PARD3B: variants seen among roughly 807,000 people sequenced by gnomAD.
The protein encoded by PARD3B is par-3 family cell polarity regulator beta.
PARD3B carries 103 observed loss-of-function variants against 130.2 expected under a neutral mutation model. That is an observed-to-expected ratio of 0.79 (90% CI 0.67 to 0.93). PARD3B has a LOEUF of 0.93. Ranked by LOEUF, PARD3B falls within the 40% of genes least tolerant of loss-of-function variation. The probability of loss-of-function intolerance (pLI) is 0.00; values close to 1 mark genes in which losing one functional copy is unlikely to be tolerated. For missense variants in PARD3B, 1,609 were observed against 1,499.2 expected (o/e 1.07, Z -1.21); for synonymous variants, 583 against 553.2 (o/e 1.05, Z -0.76).
chr2:204,986,101 CAAAAAAAA>C (rs371839271), intron 3 of PARD3B, among the ~76,000 whole-genome samples: 3 of 51,240 alleles, frequency 5.9e-5, no homozygotes. Flanking sequence ...ACTCTGTCTC[CAAAAAAAA>C]AAAAAAAAAA....
chr2:204,956,213 AGCATTAT>A (rs1357063590), intron 2 of PARD3B, among the ~76,000 whole-genome samples: 1 of 152,224 alleles, frequency 6.6e-6, no homozygotes, highest in Non-Finnish European at 1.5e-5. Context: ...TGGTGGTGGC[AGCATTAT>A]GCTTTGGCTG....
At chr2:204,670,085 G>C (rs114775544) in intron 1 of PARD3B, among the ~76,000 whole-genome samples, 2,030 of 152,130 alleles carry the variant, frequency 0.013, 53 homozygotes, top group African/African-American at 0.046. Context: ...AAGACTAAAA[G>C]ATCTAAAAGA....
intron 3 of PARD3B, among the ~76,000 whole-genome samples, chr2:204,985,794 A>T (rs1693082899): frequency 6.6e-6 from 1 of 152,070 alleles, no homozygotes; most frequent in South Asian, 2.1e-4. Flanking sequence ...GGGGAGAAAC[A>T]TCTGGATTGT....
At chr2:205,215,540 G>T (rs1457774577) in intron 15 of PARD3B, among the ~76,000 whole-genome samples, 1 of 151,794 alleles carries the variant, frequency 6.6e-6, no homozygotes, top group Admixed American at 6.6e-5. Context: ...TTCACAAAGG[G>T]CAAAAGAAAT....
chr2:205,536,937 C>T (rs1316063220), intron 21 of PARD3B, among the ~76,000 whole-genome samples: 1 of 152,174 alleles, frequency 6.6e-6, no homozygotes, highest in Non-Finnish European at 1.5e-5. Flanking sequence ...TGGCGTTGTA[C>T]ATTTTCTAAC....
At position 204,824,590 on chromosome 2, in the gene PARD3B, A is replaced by G. The variant is rs551651018; in HGVS notation, c.222+138308A>G. Among the ~76,000 whole-genome samples, 389 of 152,240 alleles carry G rather than the reference A, an allele frequency of 2.6e-3. 1 individual carries two copies. The highest frequency in any genetic ancestry group is 4.2e-3 in the Non-Finnish European group (287 of 68,002). On this transcript the variant is annotated intron_variant, in intron 2 of 22. Coordinates refer to ENST00000406610, the MANE Select transcript of PARD3B (RefSeq NM_001302769.2). ...AGAGCTGCCAGAACTTCTCCATCAC[A>G]TAGTCTTCTTCCCACTTCATTTTAT...
At chr2:205,167,438 G>C (rs1192449826) in intron 11 of PARD3B, among the ~76,000 whole-genome samples, 1 of 151,992 alleles carries the variant, frequency 6.6e-6, no homozygotes, top group East Asian at 1.9e-4. Context: ...ACCCATAAAG[G>C]CTAAAAATCA....
chr2:205,227,370 T>C (rs1407680515), intron 15 of PARD3B, among the ~76,000 whole-genome samples: 1 of 152,194 alleles, frequency 6.6e-6, no homozygotes, highest in African/African-American at 2.4e-5. Flanking sequence ...CAGTGTTGGA[T>C]GCATATACAT....
rs994123433 is a variant in PARD3B, at chr2:205,125,183, T to C, written c.1306-426T>C. Among the ~76,000 whole-genome samples, 27 of 152,250 alleles carry C rather than the reference T, an allele frequency of 1.8e-4. No individual in the cohort carries two copies. Among genetic ancestry groups the C allele is most frequent in the Non-Finnish European group, 1.5e-5 (1 of 68,044 alleles). On this transcript the variant is annotated intron_variant, in intron 9 of 22. Transcript: ENST00000406610. The surrounding 1 kb of genome is among the most constrained non-coding windows in gnomAD (Gnocchi z 4.0). Reference sequence around the variant, plus strand: ...TGATAATCTGGTGACTATAATTTTCTAAATATGTTTAAAACCTGCAGGATT... The same window carrying C: ...TGATAATCTGGTGACTATAATTTTCCAAATATGTTTAAAACCTGCAGGATT...
At chr2:204,594,191 C>T (rs544778489) in intron 1 of PARD3B, among the ~76,000 whole-genome samples, 1 of 152,266 alleles carries the variant, frequency 6.6e-6, no homozygotes, top group South Asian at 2.1e-4. Context: ...CCAGGCGATA[C>T]AGGACTGGAC....
At chr2:204,872,589 T>C (rs184167797) in intron 2 of PARD3B, among the ~76,000 whole-genome samples, 1 of 152,300 alleles carries the variant, frequency 6.6e-6, no homozygotes, top group African/African-American at 2.4e-5. Flanking sequence ...GTGCCCAGAC[T>C]GCTGTCATAC....
chr2:205,299,594 C>G (rs1220002330), intron 16 of PARD3B, among the ~76,000 whole-genome samples: 7 of 42,190 alleles, frequency 1.7e-4, no homozygotes, highest in Non-Finnish European at 3.7e-4. Flanking sequence ...ATATATAATG[C>G]TGCTAATATT....
chr2:204,793,648 C>T (rs1175783426), intron 2 of PARD3B, among the ~76,000 whole-genome samples: 1 of 152,080 alleles, frequency 6.6e-6, no homozygotes, highest in East Asian at 1.9e-4. Context: ...GCTGGGATTA[C>T]AGGTGCCCAC....
intron 2 of PARD3B, among the ~76,000 whole-genome samples, chr2:204,869,365 A>G (rs1227247527): frequency 6.6e-6 from 1 of 152,152 alleles, no homozygotes; most frequent in Non-Finnish European, 1.5e-5. Flanking sequence ...CGAGTGATTC[A>G]TAATCAAACT....
At chr2:205,254,825 C>T (rs1021296921) in intron 16 of PARD3B, among the ~76,000 whole-genome samples, 2 of 151,302 alleles carry the variant, frequency 1.3e-5, no homozygotes, top group Admixed American at 6.6e-5. Flanking sequence ...CCACCTCGCC[C>T]GGCTAATTTT....
At chr2:204,566,879 C>G (rs1438169735) in intron 1 of PARD3B, among the ~76,000 whole-genome samples, 1 of 146,940 alleles carries the variant, frequency 6.8e-6, no homozygotes, top group Non-Finnish European at 1.5e-5. Flanking sequence ...CTTTCTAAAC[C>G]TCTTTTTTTT....
intron 3 of PARD3B, among the ~76,000 whole-genome samples, chr2:205,039,739 G>A (rs1161980554): frequency 2.0e-5 from 3 of 151,954 alleles, no homozygotes; most frequent in Admixed American, 2.0e-4. Context: ...CAAAGTGTTG[G>A]GATTACTGGC....
At chr2:204,934,409 T>C (rs1370922074) in intron 2 of PARD3B, among the ~76,000 whole-genome samples, 1 of 152,204 alleles carries the variant, frequency 6.6e-6, no homozygotes, top group Non-Finnish European at 1.5e-5. Context: ...ATGTTTTACC[T>C]AAATGGTGTT....
intron 1 of PARD3B, among the ~76,000 whole-genome samples, chr2:204,553,667 T>TAC (rs2030679048): frequency 3.1e-5 from 1 of 32,324 alleles, no homozygotes; most frequent in Non-Finnish European, 1.1e-4. Flanking sequence ...TATATATATA[T>TAC]ATATATATAT....
Sources: allele counts gnomAD v4.1 joint callset (sites outside exome capture counted in the v4.1 genomes callset), GRCh38; gene constraint gnomAD v4.1.1; non-coding constraint Gnocchi (gnomAD v3.1); transcripts MANE v1.5; gene names NCBI Gene and HGNC (gene_info 2026-07-23, HGNC 2026-07-21).